Variants in VTI1A observed in about 807,000 individuals in gnomAD.
VTI1A encodes the protein vesicle transport through interaction with t-SNAREs 1A.
In VTI1A, 22 loss-of-function variants were observed where a neutral mutation model predicts 34.9. The observed-to-expected ratio is 0.63, with a 90% confidence interval of 0.45 to 0.90. The LOEUF is 0.90. Ranked by LOEUF, VTI1A falls within the 40% of genes least tolerant of loss-of-function variation. VTI1A has a pLI of 0.00. For synonymous variants in VTI1A, 87 were observed against 97.3 expected (o/e 0.89, Z 0.62); for missense variants, 268 against 275.6 (o/e 0.97, Z 0.20).
chr10:112,848,341 C>G, the VTI1A span, among the ~76,000 whole-genome samples: 1 of 152,178 alleles, frequency 6.6e-6, no homozygotes, highest in Admixed American at 6.5e-5. Context: ...TGATGAGGAG[C>G]CCTTGAGCTG....
intron 7 of VTI1A, among the ~76,000 whole-genome samples, chr10:112,809,914 A>G (rs1853224944): frequency 6.6e-6 from 1 of 152,010 alleles, no homozygotes; most frequent in African/African-American, 2.4e-5. Flanking sequence ...TGCCTCTTGG[A>G]AGAGGAGGGA....
intron 5 of VTI1A, among the ~76,000 whole-genome samples, chr10:112,655,349 G>C (rs1847193273): frequency 6.6e-6 from 1 of 152,162 alleles, no homozygotes; most frequent in African/African-American, 2.4e-5. Context: ...AAGGAGTAAA[G>C]AGAAGGTGTG....
intron 5 of VTI1A, among the ~76,000 whole-genome samples, chr10:112,625,543 G>A (rs1439291758): frequency 1.4e-5 from 2 of 146,772 alleles, no homozygotes; most frequent in Non-Finnish European, 1.5e-5. Context: ...GGGAGGCTGA[G>A]GCAGGAGAAT....
At chr10:112,612,702 G>C (rs753009459) in intron 5 of VTI1A, among the ~76,000 whole-genome samples, 13 of 152,192 alleles carry the variant, frequency 8.5e-5, no homozygotes, top group Non-Finnish European at 1.8e-4. Flanking sequence ...GGGATTATAG[G>C]CATGAGCCAC....
intron 5 of VTI1A, among the ~76,000 whole-genome samples, chr10:112,567,493 C>G (rs530855599): frequency 2.0e-4 from 30 of 152,088 alleles, no homozygotes; most frequent in Admixed American, 3.3e-4. Flanking sequence ...TCACACAATC[C>G]TATCAGAAAT....
In VTI1A at chr10:112,784,570, G is replaced by A. The variant is rs143350114; in HGVS notation, c.561-30720G>A. Among the ~76,000 whole-genome samples the A allele has an allele frequency of 2.5e-3, 379 of 152,288 alleles. 2 individuals are homozygous for A. Among genetic ancestry groups the A allele is most frequent in the African/African-American group, 8.6e-3 (357 of 41,570 alleles). ...CTAATGTTTTAACGCTAAATTGGGCGATAAGTCAGTGTTTCAATGTGGCAC... is the reference window on the plus strand; with the variant it reads ...CTAATGTTTTAACGCTAAATTGGGCAATAAGTCAGTGTTTCAATGTGGCAC... On this transcript the variant is annotated intron_variant, in intron 7 of 7. Transcript: ENST00000393077.
intron 7 of VTI1A, among the ~76,000 whole-genome samples, chr10:112,713,819 A>G (rs1488870139): frequency 1.3e-5 from 2 of 152,238 alleles, no homozygotes; most frequent in Non-Finnish European, 2.9e-5. Context: ...GTCCTGTTAC[A>G]TAAAGAGGGG....
intron 7 of VTI1A, among the ~76,000 whole-genome samples, chr10:112,743,235 C>T (rs895094772): frequency 6.6e-6 from 1 of 152,146 alleles, no homozygotes; most frequent in Admixed American, 6.5e-5. Flanking sequence ...TGTGAATGCT[C>T]CCCTGCAACA....
At chr10:112,736,720 C>T in intron 7 of VTI1A, 1 of 1,551,740 alleles carries the variant, frequency 6.4e-7, no homozygotes. Context: ...TCACTGTTCA[C>T]AGGGGTTGTT....
the VTI1A span, among the ~76,000 whole-genome samples, chr10:112,830,314 C>T: frequency 2.6e-5 from 4 of 151,768 alleles, no homozygotes; most frequent in African/African-American, 9.7e-5. Flanking sequence ...TGTCTCCCCA[C>T]CTCCTGTCTC....
At chr10:112,841,848 G>A in the VTI1A span, among the ~76,000 whole-genome samples, 27 of 152,048 alleles carry the variant, frequency 1.8e-4, no homozygotes, top group Non-Finnish European at 7.4e-5. Flanking sequence ...CTATCGCTCC[G>A]CAATAGTCTT....
intron 5 of VTI1A, among the ~76,000 whole-genome samples, chr10:112,628,620 T>C (rs1370765210): frequency 1.3e-5 from 2 of 152,214 alleles, no homozygotes; most frequent in East Asian, 3.8e-4. Flanking sequence ...TTTACAGGAT[T>C]GCATCCAGTT....
the VTI1A span, chr10:112,832,331 C>T: frequency 6.6e-6 from 1 of 151,922 alleles, no homozygotes; most frequent in Admixed American, 6.6e-5. Context: ...CTCATTCTGC[C>T]CAGGCCAGGG....
chr10:112,811,476 C>G (rs1239105622), intron 7 of VTI1A, among the ~76,000 whole-genome samples: 1 of 151,860 alleles, frequency 6.6e-6, no homozygotes, highest in Non-Finnish European at 1.5e-5. Context: ...GGGCGGATCA[C>G]GAGGTCAGGA....
At chr10:112,457,640 G>A (rs562638503) in intron 1 of VTI1A, among the ~76,000 whole-genome samples, 16 of 152,228 alleles carry the variant, frequency 1.1e-4, no homozygotes, top group African/African-American at 1.4e-4. Context: ...ATATATCAGC[G>A]TTAGAGATAA....
intron 7 of VTI1A, among the ~76,000 whole-genome samples, chr10:112,695,843 G>T (rs925716929): frequency 1.3e-5 from 2 of 152,154 alleles, no homozygotes; most frequent in Non-Finnish European, 2.9e-5. Flanking sequence ...GTTCATGATG[G>T]TTACTTCAGA....
chr10:112,730,382 T>G (rs1310673150), intron 7 of VTI1A, among the ~76,000 whole-genome samples: 2 of 152,164 alleles, frequency 1.3e-5, no homozygotes, highest in African/African-American at 4.8e-5. Flanking sequence ...CCCTGCCAAT[T>G]GATAGTCACC....
chr10:112,487,886 T>C (rs1018505934), intron 3 of VTI1A, among the ~76,000 whole-genome samples: 4 of 152,226 alleles, frequency 2.6e-5, no homozygotes, highest in African/African-American at 9.6e-5. Context: ...TAGTAGTTAA[T>C]AGGTATATTG....
chr10:112,600,179 T>A (rs1051275227), intron 5 of VTI1A, among the ~76,000 whole-genome samples: 2 of 152,168 alleles, frequency 1.3e-5, no homozygotes, highest in East Asian at 3.9e-4. Flanking sequence ...GTACATAGAA[T>A]AATGCACCCC....
Sources: allele counts gnomAD v4.1 joint callset (sites outside exome capture counted in the v4.1 genomes callset), GRCh38; gene constraint gnomAD v4.1.1; transcripts MANE v1.5; gene names NCBI Gene and HGNC (gene_info 2026-07-23, HGNC 2026-07-21).